The following DOP1B variants were observed in gnomAD, a reference collection of about 807,000 sequenced individuals.
DOP1B encodes the protein protein DOP1B.
Under a neutral mutation model 233.5 loss-of-function variants are expected in DOP1B, and 174 were observed. The ratio of observed to expected loss-of-function variants is 0.75; its 90% CI spans 0.66 to 0.85. The LOEUF is 0.85. DOP1B is among the 40% of genes least tolerant of loss of function. The probability of loss-of-function intolerance (pLI) is 0.00; values close to 1 mark genes in which losing one functional copy is unlikely to be tolerated. For missense variants in DOP1B, 2,652 were observed against 2,846.6 expected, an observed-to-expected ratio of 0.93 and a Z score of 1.56; for synonymous variants, 1,190 against 1,185.6, an observed-to-expected ratio of 1.00 and a Z score of -0.08.
At chr21:36,228,455 G>A (rs577385587) in intron 13 of DOP1B, among the ~76,000 whole-genome samples, 17 of 150,034 alleles carry the variant, frequency 1.1e-4, no homozygotes, top group East Asian at 2.0e-4. Flanking sequence ...GCAAGACTCC[G>A]TTTCAAAAAA....
At position 36,199,145 on chromosome 21, in the gene DOP1B, C is replaced by T; in HGVS notation, c.214C>T (p.His72Tyr). ...CAGCAAAAGATTAGCTCAGTGTTTG[C>T]ACCCTGCCCTGCCCAGTGGTGTCCA... is the stretch of plus-strand genomic sequence containing the variant. ...LISKRLAQCLHPALPSGVHLK... is the reference protein window; with the variant it reads ...LISKRLAQCLYPALPSGVHLK... The change falls in exon 3 of 37, where the codon CAC becomes TAC. Residue 72 changes from histidine to tyrosine, a missense_variant. Around this residue, in one of 3 missense-constraint regions of DOP1B, gnomAD observed 2,617 missense variants for 2,794.3 expected, o/e 0.94. Transcript: ENST00000691173. The T allele has an allele frequency of 6.2e-7, 1 of 1,614,190 alleles. No homozygotes were observed. Among genetic ancestry groups the T allele is most frequent in the South Asian group, 1.1e-5 (1 of 91,082 alleles).
rs142831347 is a variant in DOP1B at position 36,231,932 on chromosome 21, G to A, written c.2350+798G>A. Among the ~76,000 whole-genome samples the A allele has an allele frequency of 8.4e-3, 1,260 of 149,300 alleles. 12 individuals carry two copies. Among genetic ancestry groups the A allele is most frequent in the Middle Eastern group, 0.062 (18 of 290 alleles). On this transcript the variant is annotated intron_variant, in intron 14 of 36. Coordinates refer to ENST00000691173, the MANE Select transcript of DOP1B (RefSeq NM_001320714.2). ...GCGATCTTGGCTCACTACAGCCTCC[G>A]CCTCCCGGGTTCAAGTGATTCTCCT...
chr21:36,219,316 T>G lies in DOP1B; in HGVS notation c.1130-56T>G, dbSNP rs1457460239. ...GTCTTATGTATATACATATGTCACT[T>G]ACTGATTTAAAGGGGATTGTTAATC... On this transcript the variant is annotated intron_variant, in intron 9 of 36. Transcript: ENST00000691173. 3.1e-6 allele frequency: 5 copies of G among 1,609,316 alleles called. No individual in the cohort carries two copies. In the African/African-American group the frequency reaches 6.7e-5, roughly 22 times the overall value.
chr21:36,225,473 C>A, intron 11 of DOP1B, 92 bp from the exon 12 acceptor site: 1 of 1,381,856 alleles, frequency 7.2e-7, no homozygotes, highest in Non-Finnish European at 1.0e-6. Context: ...TCAGACAGTC[C>A]ACCCATCTCG....
At chr21:36,172,011 CAGAG>C (rs1374847433) in intron 2 of DOP1B, among the ~76,000 whole-genome samples, 2 of 152,058 alleles carry the variant, frequency 1.3e-5, no homozygotes. Flanking sequence ...CTATTTTAGA[CAGAG>C]AGGACACTGA....
chr21:36,273,420 A>G (rs1189886355), intron 27 of DOP1B, among the ~76,000 whole-genome samples: 3 of 152,082 alleles, frequency 2.0e-5, no homozygotes, highest in Non-Finnish European at 1.5e-5. Context: ...AAAAAAAAAA[A>G]AGTTTTTTTA....
At chr21:36,274,876 G>A (rs571131302) in intron 27 of DOP1B, among the ~76,000 whole-genome samples, 26 of 152,180 alleles carry the variant, frequency 1.7e-4, no homozygotes, top group African/African-American at 4.8e-4. Context: ...ATGGAGTCTC[G>A]CTCTGTTGCC....
intron 18 of DOP1B, among the ~76,000 whole-genome samples, chr21:36,243,394 G>A (rs1569045171): frequency 6.8e-6 from 1 of 146,160 alleles, no homozygotes; most frequent in Non-Finnish European, 1.5e-5. Context: ...TAAATAGGCA[G>A]TGGTCAGTGG....
chr21:36,235,872 G>GGC (rs2066820237), intron 15 of DOP1B, among the ~76,000 whole-genome samples: 1 of 147,462 alleles, frequency 6.8e-6, no homozygotes, highest in Non-Finnish European at 1.5e-5. Flanking sequence ...TCGGGGGGGG[G>GGC]GCGGTCTACG....
chr21:36,269,301 A>G (rs2067261376), intron 26 of DOP1B, among the ~76,000 whole-genome samples: 1 of 151,576 alleles, frequency 6.6e-6, no homozygotes. Flanking sequence ...GATTACAGGC[A>G]TGCACCACCA....
At chr21:36,228,073 AATACCAACAC>A (rs2066714148) in intron 13 of DOP1B, among the ~76,000 whole-genome samples, 196 bp downstream of exon 13, 1 of 152,176 alleles carries the variant, frequency 6.6e-6, no homozygotes, top group Non-Finnish European at 1.5e-5. Flanking sequence ...TCACACCTGT[AATACCAACAC>A]TTTCGGAGAC....
chr21:36,229,909 C>T lies in DOP1B; in HGVS notation c.1666-541C>T, dbSNP rs554541763. On this transcript the variant is annotated intron_variant, in intron 13 of 36. Coordinates refer to ENST00000691173, the MANE Select transcript of DOP1B (RefSeq NM_001320714.2). Reference sequence around the variant, plus strand: ...AGCTCCTGACCTCAGGAGATCCACCCACCTCATCCTCCCAAAGTGCTGGGA... The same window carrying T: ...AGCTCCTGACCTCAGGAGATCCACCTACCTCATCCTCCCAAAGTGCTGGGA... Among the ~76,000 whole-genome samples the T allele has an allele frequency of 5.3e-5, 8 of 152,130 alleles. No individual in the cohort carries two copies. The East Asian group carries it at 9.7e-4, about 18-fold the overall frequency.
At chr21:36,292,055 G>A (rs768894966) in intron 35 of DOP1B, 49 bp from the exon 36 acceptor site, 7 of 1,543,244 alleles carry the variant, frequency 4.5e-6, no homozygotes, top group East Asian at 4.6e-5. Flanking sequence ...TTTTAACGAC[G>A]TTGAAGGCCT....
At chr21:36,193,684 T>TGCTG (rs1389323406) in intron 2 of DOP1B, among the ~76,000 whole-genome samples, 1 of 152,052 alleles carries the variant, frequency 6.6e-6, no homozygotes, top group African/African-American at 2.4e-5. Flanking sequence ...TTGTGTCTGG[T>TGCTG]GCTGGCCTTC....
chr21:36,195,288 C>G (rs966637214), intron 2 of DOP1B, among the ~76,000 whole-genome samples: 5 of 142,782 alleles, frequency 3.5e-5, no homozygotes, highest in African/African-American at 1.3e-4. Context: ...TTGCAGTGAG[C>G]TGAGATTGCA....
intron 27 of DOP1B, among the ~76,000 whole-genome samples, chr21:36,271,185 C>T (rs1275605025): frequency 1.3e-5 from 2 of 150,028 alleles, no homozygotes; most frequent in African/African-American, 4.9e-5. Context: ...AGTCTGTGTT[C>T]ATTCACCCAG....
chr21:36,250,141 C>T (rs1389224100), intron 21 of DOP1B, among the ~76,000 whole-genome samples: 3 of 152,100 alleles, frequency 2.0e-5, no homozygotes, highest in Non-Finnish European at 4.4e-5. Context: ...CCTGAGGAAC[C>T]CAGGGCCGGG....
At chr21:36,226,889 C>G (rs539318374) in intron 12 of DOP1B, among the ~76,000 whole-genome samples, 1 of 152,172 alleles carries the variant, frequency 6.6e-6, no homozygotes, top group African/African-American at 2.4e-5. Flanking sequence ...TGAGCCACTA[C>G]GCCTAGTCTT....
Position 36,208,729 on chromosome 21 carries a change from T to C in DOP1B, c.506T>C (p.Leu169Pro), listed in dbSNP as rs757201792. ...CTCATCAACAGAACGGATGCTCTGC[T>C]CCTGAGACTGTCGCTGGTGGTTGGC... ...SEISDRTDAL[L>P]LRLSLVVGKE... The change falls in exon 5 of 37, where the codon CTC (leucine) becomes CCC (proline). Residue 169 changes from leucine (L) to proline (P), a missense_variant. Leu to Pro is a moderately conservative substitution (Grantham distance 98). Around this residue, in one of 3 missense-constraint regions of DOP1B, gnomAD observed 2,617 missense variants for 2,794.3 expected, o/e 0.94. Transcript: ENST00000691173. 5.6e-6 allele frequency: 9 copies of C among 1,613,382 alleles called. No individual in the cohort carries two copies. The Middle Eastern group carries it at 8.3e-4, about 148-fold the overall frequency.
Sources: gnomAD v4.1 joint callset for allele counts (sites outside exome capture counted in the v4.1 genomes callset) on GRCh38, gnomAD v4.1.1 for gene constraint, gnomAD v4.1.1 regional missense constraint, MANE v1.5 for transcripts, NCBI Gene and HGNC (gene_info 2026-07-23, HGNC 2026-07-21) for gene names.